TNNI3K: variants seen among roughly 807,000 people sequenced by gnomAD.
TNNI3K encodes serine/threonine-protein kinase TNNI3K.
In TNNI3K, 140 loss-of-function variants were observed where a neutral mutation model predicts 114.5. That is an observed-to-expected ratio of 1.22 (90% CI 1.07 to 1.41). TNNI3K has a LOEUF of 1.41. Ranked by LOEUF, TNNI3K falls within the 40% of genes most tolerant of loss-of-function variation. The pLI is 0.00. For missense variants in TNNI3K, 1,125 were observed against 1,007.6 expected, an observed-to-expected ratio of 1.12 and a Z score of -1.58; for synonymous variants, 347 against 347.5, an observed-to-expected ratio of 1.00 and a Z score of 0.02.
chr1:74,320,781 A>T (rs1033806558), intron 5 of TNNI3K, among the ~76,000 whole-genome samples: 1 of 152,144 alleles, frequency 6.6e-6, no homozygotes, highest in African/African-American at 2.4e-5. Flanking sequence ...TTTGAGTGTA[A>T]TTTAGAAGTT....
intron 5 of TNNI3K, among the ~76,000 whole-genome samples, chr1:74,317,277 G>A (rs1481644320): frequency 6.6e-6 from 1 of 152,146 alleles, no homozygotes; most frequent in African/African-American, 2.4e-5. Flanking sequence ...AATCTGAGTA[G>A]GTGTTAGTCA....
At chr1:74,280,484 A>G (rs1656949278) in intron 5 of TNNI3K, among the ~76,000 whole-genome samples, 1 of 152,180 alleles carries the variant, frequency 6.6e-6, no homozygotes, top group Non-Finnish European at 1.5e-5. Context: ...CACTAGTGGC[A>G]CAGCATGGCA....
chr1:74,496,673 A>G (rs1257483996), intron 23 of TNNI3K, among the ~76,000 whole-genome samples: 1 of 152,194 alleles, frequency 6.6e-6, no homozygotes, highest in African/African-American at 2.4e-5. Flanking sequence ...TTTTCTCCAC[A>G]GATAATAGGA....
chr1:74,259,367 T>A (rs941236725), intron 4 of TNNI3K, among the ~76,000 whole-genome samples: 3 of 152,224 alleles, frequency 2.0e-5, no homozygotes, highest in Admixed American at 2.0e-4. Flanking sequence ...AGAATATGGA[T>A]GTCTCAGCTG....
intron 5 of TNNI3K, among the ~76,000 whole-genome samples, chr1:74,320,095 A>T (rs1424734810): frequency 6.6e-6 from 1 of 152,122 alleles, no homozygotes; most frequent in Non-Finnish European, 1.5e-5. Context: ...GGCGCGTGTG[A>T]TATTGTGCTT....
chr1:74,370,224 C>T lies in TNNI3K; in HGVS notation c.1668-64C>T, dbSNP rs1168662814. 3.6e-6 allele frequency: 5 copies of T among 1,399,362 alleles called. 1 individual carries two copies. Among genetic ancestry groups the T allele is most frequent in the African/African-American group, 1.5e-5 (1 of 68,280 alleles). The allele number at this position is 1,399,362 out of a possible 1,614,324, so 86.7% of individuals were successfully genotyped here. ...ATATAAAATAACAACTCTTACACAT[C>T]ATTTGCTTTTTTGATATTCGTTTTG... On this transcript the variant is annotated intron_variant, in intron 16 of 24. Transcript: ENST00000326637.
At chr1:74,445,170 A>G (rs888144268) in intron 20 of TNNI3K, among the ~76,000 whole-genome samples, 2 of 152,188 alleles carry the variant, frequency 1.3e-5, no homozygotes, top group African/African-American at 4.8e-5. Context: ...GGCAAAAGCA[A>G]AAATTGACAA....
At chr1:74,543,539 A>G (rs1646752242) in intron 24 of TNNI3K, among the ~76,000 whole-genome samples, 1 of 152,168 alleles carries the variant, frequency 6.6e-6, no homozygotes, top group Non-Finnish European at 1.5e-5. Flanking sequence ...TAAGTTGACA[A>G]AAGTCACAGA....
rs561558831 is a variant in TNNI3K at position 74,414,143 on chromosome 1, G to A, written c.1773-21937G>A. Among the ~76,000 whole-genome samples the A allele has an allele frequency of 3.9e-5, 6 of 152,096 alleles. 1 individual carries two copies. Among genetic ancestry groups the A allele is most frequent in the South Asian group, 4.2e-4 (2 of 4,814 alleles). On this transcript the variant is annotated intron_variant, in intron 17 of 24. Coordinates refer to ENST00000326637, the MANE Select transcript of TNNI3K (RefSeq NM_015978.3). ...CATTTGTGGCATCTGAATTAATCAC[G>A]GATTTAAAATCCTATGAAATTTTTA...
In TNNI3K at chr1:74,436,107, G is replaced by A; in HGVS notation, c.1800G>A (p.Gly600=). 2.5e-6 allele frequency: 4 copies of A among 1,607,856 alleles called. No homozygotes were observed. The highest frequency in any genetic ancestry group is 3.4e-6 in the Non-Finnish European group (4 of 1,177,986). The change falls in exon 18 of 25, where the codon GGG becomes GGA. Residue 600 remains glycine (G), a synonymous_variant. Transcript: ENST00000326637. ...NSHNILLYED[G]HAVVADFGES... ...ACAATATTCTTCTCTATGAGGATGG[G>A]CATGCTGTGGTGGCAGATTTTGGAG... is the stretch of plus-strand genomic sequence containing the variant.
chr1:74,370,248 T>G, intron 16 of TNNI3K, 40 bp from the exon 17 acceptor site: 51 of 1,512,386 alleles, frequency 3.4e-5, no homozygotes, highest in Non-Finnish European at 4.5e-5. Context: ...ATATTCGTTT[T>G]GACCATTTCA....
intron 23 of TNNI3K, among the ~76,000 whole-genome samples, chr1:74,530,606 G>A (rs1646569077): frequency 1.3e-5 from 2 of 152,154 alleles, no homozygotes; most frequent in Non-Finnish European, 2.9e-5. Context: ...TATATGAACT[G>A]GGATAGGTTA....
At chr1:74,346,234 C>G (rs541155319) in intron 9 of TNNI3K, 1 of 152,196 alleles carries the variant, frequency 6.6e-6, no homozygotes, top group East Asian at 1.9e-4. Flanking sequence ...AGCTAATTCT[C>G]CTTCAGTAAA....
At chr1:74,469,929 C>G (rs1437889912) in intron 21 of TNNI3K, 1 of 400,534 alleles carries the variant, frequency 2.5e-6, no homozygotes, top group Non-Finnish European at 4.4e-6. Context: ...ATGGTGGATA[C>G]AGTACAGGTT....
chr1:74,434,409 C>T (rs534160388), intron 17 of TNNI3K, among the ~76,000 whole-genome samples: 11 of 151,958 alleles, frequency 7.2e-5, no homozygotes, highest in Non-Finnish European at 1.3e-4. Context: ...TTTACACTAC[C>T]GTATAAATTC....
intron 17 of TNNI3K, chr1:74,373,326 TAATC>T (rs986019871): frequency 1.3e-5 from 2 of 151,916 alleles, no homozygotes; most frequent in African/African-American, 4.8e-5. Flanking sequence ...GAACAGGCAT[TAATC>T]TTTTCTCAGG....
At chr1:74,516,276 C>T (rs1646347053) in intron 23 of TNNI3K, among the ~76,000 whole-genome samples, 1 of 152,132 alleles carries the variant, frequency 6.6e-6, no homozygotes, top group Non-Finnish European at 1.5e-5. Flanking sequence ...TTTGTTTGTT[C>T]ACTCATCTGC....
At chr1:74,481,808 T>G (rs1312995893) in intron 21 of TNNI3K, among the ~76,000 whole-genome samples, 1 of 152,224 alleles carries the variant, frequency 6.6e-6, no homozygotes, top group Non-Finnish European at 1.5e-5. Context: ...AACATTGTTT[T>G]GACTGCAAAT....
At chr1:74,281,519 C>T (rs1657015628) in intron 5 of TNNI3K, among the ~76,000 whole-genome samples, 1 of 152,072 alleles carries the variant, frequency 6.6e-6, no homozygotes, top group Non-Finnish European at 1.5e-5. Context: ...CATTAATGTA[C>T]AATTTAACTT....
Sources: gnomAD v4.1 joint callset for allele counts (sites outside exome capture counted in the v4.1 genomes callset) on GRCh38, gnomAD v4.1.1 for gene constraint, MANE v1.5 for transcripts, NCBI Gene and HGNC (gene_info 2026-07-23, HGNC 2026-07-21) for gene names.